Variants in ARHGAP42 observed in about 807,000 individuals in gnomAD.
ARHGAP42 encodes rho GTPase-activating protein 42.
Under a neutral mutation model 125.0 loss-of-function variants are expected in ARHGAP42, and 63 were observed. The observed-to-expected ratio is 0.50, with a 90% CI of 0.41 to 0.62. ARHGAP42 has a LOEUF of 0.62. Among genes scored for constraint, ARHGAP42 ranks in the 20% least tolerant of loss-of-function variants. The pLI, the probability that ARHGAP42 is intolerant of heterozygous loss-of-function variation, is 0.00. For missense variants in ARHGAP42, 766 were observed against 1,024.2 expected, an observed-to-expected ratio of 0.75 and a Z score of 3.44; for synonymous variants, 339 against 351.0, an observed-to-expected ratio of 0.97 and a Z score of 0.38.
chr11:100,751,288 T>TC (rs914154364), intron 1 of ARHGAP42, among the ~76,000 whole-genome samples: 1 of 139,076 alleles, frequency 7.2e-6, no homozygotes, highest in African/African-American at 2.8e-5. Context: ...TGTTTTTTTT[T>TC]TTTTTTTTTT....
chr11:100,875,604 G>C (rs1329272412), intron 4 of ARHGAP42, among the ~76,000 whole-genome samples: 1 of 152,098 alleles, frequency 6.6e-6, no homozygotes, highest in Non-Finnish European at 1.5e-5. Flanking sequence ...CCATTCCAGG[G>C]GTCAAATAAA....
At chr11:100,830,429 A>G (rs2135092748) in intron 3 of ARHGAP42, among the ~76,000 whole-genome samples, 1 of 152,248 alleles carries the variant, frequency 6.6e-6, no homozygotes. Context: ...GTTCTTAGTG[A>G]GTTCTGCTGA....
intron 2 of ARHGAP42, among the ~76,000 whole-genome samples, chr11:100,791,191 T>G (rs762846712): frequency 1.3e-5 from 2 of 152,172 alleles, no homozygotes; most frequent in Non-Finnish European, 2.9e-5. Flanking sequence ...GCCTCTCATG[T>G]CTAGGGAGCT....
intron 4 of ARHGAP42, among the ~76,000 whole-genome samples, chr11:100,901,986 C>T (rs890938126): frequency 4.6e-5 from 7 of 152,222 alleles, no homozygotes; most frequent in Non-Finnish European, 1.0e-4. Context: ...CCATCTTCTG[C>T]GTCCATCCCT....
At chr11:100,967,747 C>T (rs1858132857) in intron 17 of ARHGAP42, among the ~76,000 whole-genome samples, 1 of 152,100 alleles carries the variant, frequency 6.6e-6, no homozygotes, top group South Asian at 2.1e-4. Flanking sequence ...CAGAGTCTCG[C>T]TCTGTCGCCA....
chr11:100,733,643 G>A (rs1312974188), intron 1 of ARHGAP42, among the ~76,000 whole-genome samples: 1 of 151,772 alleles, frequency 6.6e-6, no homozygotes, highest in Non-Finnish European at 1.5e-5. Context: ...GGCCAACATG[G>A]TGAAACCCCC....
intron 3 of ARHGAP42, among the ~76,000 whole-genome samples, chr11:100,825,893 G>C (rs1765938313): frequency 6.6e-6 from 1 of 152,150 alleles, no homozygotes; most frequent in African/African-American, 2.4e-5. Context: ...AGCATTGCTA[G>C]AAAGCTCTGT....
intron 23 of ARHGAP42, among the ~76,000 whole-genome samples, chr11:100,987,973 C>A (rs1323845419): frequency 6.6e-6 from 1 of 151,986 alleles, no homozygotes; most frequent in Admixed American, 6.6e-5. Context: ...ACTAAAAATA[C>A]AAAAATTACC....
Position 100,936,317 on chromosome 11 carries a change from T to C in ARHGAP42, c.817T>C (p.Tyr273His). 6.4e-7 allele frequency: 1 copy of C among 1,551,542 alleles called. No individual in the cohort carries two copies. Among genetic ancestry groups the C allele is most frequent in the Non-Finnish European group, 8.7e-7 (1 of 1,146,876 alleles). Residue 273 changes from tyrosine (Y) to histidine (H), a missense_variant, in exon 8 of 24, where the codon TAT (tyrosine) becomes CAT (histidine). By Grantham distance (83) the Tyr-to-His change is moderately conservative. Transcript: ENST00000298815. ...CCAGTGGACGATGGAAGGCTATCTG[T>C]ATGTCCAGGAGAAACGTGAGTCACA... ...PSQWTMEGYLYVQEKRPLGFT... is the reference protein window; with the variant it reads ...PSQWTMEGYLHVQEKRPLGFT...
Position 100,916,586 on chromosome 11 carries a change from A to G in ARHGAP42, c.486+3033A>G, listed in dbSNP as rs116756655. Among the ~76,000 whole-genome samples the G allele has an allele frequency of 3.2e-3, 495 of 152,308 alleles. 3 individuals are homozygous for G. The highest frequency in any genetic ancestry group is 0.011 in the African/African-American group (461 of 41,578). ...TTTGATCAAGATAATATCTATTGTT[A>G]GTGAAGGTATAGGAAATTGGGCACA... On this transcript the variant is annotated intron_variant, in intron 5 of 23. Transcript: ENST00000298815.
chr11:100,901,514 A>G (rs1241335855), intron 4 of ARHGAP42, among the ~76,000 whole-genome samples: 2 of 152,112 alleles, frequency 1.3e-5, no homozygotes, highest in African/African-American at 2.4e-5. Context: ...TGCCCTGCCC[A>G]TAGATGTGGA....
intron 6 of ARHGAP42, among the ~76,000 whole-genome samples, chr11:100,930,006 G>A (rs1464507978): frequency 6.6e-6 from 1 of 152,144 alleles, no homozygotes; most frequent in Admixed American, 6.6e-5. Flanking sequence ...TTATTGGAGC[G>A]ACAAGTAATT....
chr11:100,909,632 G>T (rs1866855793), intron 4 of ARHGAP42, among the ~76,000 whole-genome samples: 2 of 152,032 alleles, frequency 1.3e-5, no homozygotes, highest in African/African-American at 4.8e-5. Context: ...CCGGCATCCA[G>T]CCTTCTAGGA....
rs553298703 is a variant in ARHGAP42, at chr11:100,918,236, ACT to A, written c.487-3255_487-3254del. ...CCTAAGCATAGCTTCTCTTTTCCTG[ACT>A]CTATCACATCACTCAAACTCTTCTC... On this transcript the variant is annotated intron_variant, in intron 5 of 23. Coordinates refer to ENST00000298815, the MANE Select transcript of ARHGAP42 (RefSeq NM_152432.4). Among the ~76,000 whole-genome samples, 642 of 151,966 alleles carry A rather than the reference ACT, an allele frequency of 4.2e-3. 2 individuals carry two copies. Among genetic ancestry groups the A allele is most frequent in the African/African-American group, 0.015 (607 of 41,432 alleles).
At chr11:100,907,720 A>G (rs563180577) in intron 4 of ARHGAP42, among the ~76,000 whole-genome samples, 14 of 152,314 alleles carry the variant, frequency 9.2e-5, no homozygotes, top group African/African-American at 3.4e-4. Context: ...AGAGGTGGTG[A>G]TGCTGCTGTG....
chr11:100,736,722 C>A (rs185639087), intron 1 of ARHGAP42, among the ~76,000 whole-genome samples: 1 of 152,052 alleles, frequency 6.6e-6, no homozygotes, highest in Admixed American at 6.6e-5. Context: ...AGGATCTTGA[C>A]GTGTTACTGT....
chr11:100,956,335 G>A (rs1036999500), intron 12 of ARHGAP42, among the ~76,000 whole-genome samples: 8 of 152,254 alleles, frequency 5.3e-5, no homozygotes, highest in African/African-American at 1.9e-4. Context: ...AGAGGCTGAT[G>A]ACAATATAGG....
chr11:100,890,341 T>G (rs979156676), intron 4 of ARHGAP42, among the ~76,000 whole-genome samples: 5 of 152,188 alleles, frequency 3.3e-5, no homozygotes, highest in Non-Finnish European at 7.3e-5. Context: ...TTTCATGGTT[T>G]CATTGTTTTT....
At chr11:100,817,251 T>C (rs1187650058) in intron 3 of ARHGAP42, among the ~76,000 whole-genome samples, 1 of 152,096 alleles carries the variant, frequency 6.6e-6, no homozygotes, top group Non-Finnish European at 1.5e-5. Flanking sequence ...AATGTTGCCT[T>C]CTCCCTAGTT....
Sources: allele counts gnomAD v4.1 joint callset (sites outside exome capture counted in the v4.1 genomes callset), GRCh38; gene constraint gnomAD v4.1.1; transcripts MANE v1.5; gene names NCBI Gene and HGNC (gene_info 2026-07-23, HGNC 2026-07-21).